Variants in ENG observed in about 807,000 individuals in gnomAD.
The protein encoded by ENG is endoglin.
In ENG, 17 loss-of-function variants were observed where a neutral mutation model predicts 71.0. The observed-to-expected ratio is 0.24, with a 90% confidence interval of 0.16 to 0.36. The LOEUF is 0.36. Among genes scored for constraint, ENG ranks in the 10% least tolerant of loss-of-function variants. The pLI is 1.00. For missense variants in ENG, 749 were observed against 868.3 expected, an observed-to-expected ratio of 0.86 and a Z score of 1.73; for synonymous variants, 360 against 366.9, an observed-to-expected ratio of 0.98 and a Z score of 0.21.
chr9:127,847,650 G>A (rs763971376), intron 1 of ENG, among the ~76,000 whole-genome samples: 8 of 151,966 alleles, frequency 5.3e-5, no homozygotes, highest in Non-Finnish European at 1.0e-4. Flanking sequence ...GGGTTTCGCC[G>A]TATTGCGCAG....
intron 1 of ENG, among the ~76,000 whole-genome samples, chr9:127,852,231 G>A (rs918146504): frequency 2.0e-5 from 3 of 152,180 alleles, no homozygotes; most frequent in Admixed American, 6.6e-5. Context: ...AGAGTTGGAC[G>A]AATAACTTTA....
intron 2 of ENG, among the ~76,000 whole-genome samples, chr9:127,834,827 C>T (rs757148333): frequency 1.2e-4 from 18 of 145,916 alleles, no homozygotes; most frequent in African/African-American, 2.6e-4. Flanking sequence ...TGAGCCACTG[C>T]GCCCAGTTAG....
rs567916663 is a variant in ENG, at chr9:127,854,508, C to T, written c.-153G>A. On this transcript the variant is annotated 5_prime_UTR_variant, in exon 1 of 15. Transcript: ENST00000373203. ...TCCCTGCTCCAGCCTTCTGGGGTGG[C>T]GGCCGAGGGGTCAGGAGAAGTGGAC... 7.9e-5 allele frequency: 60 copies of T among 762,472 alleles called. No individual in the cohort carries two copies. In the South Asian group the frequency reaches 1.0e-3, roughly 13 times the overall value. 47.2% of individuals were successfully genotyped at this position (762,472 alleles called of 1,614,324 possible). A position where few individuals can be genotyped will look rare whatever the true frequency, so the allele number is the denominator to read the frequency against.
intron 8 of ENG, chr9:127,822,620 T>C (rs1370876808): frequency 6.6e-6 from 1 of 152,234 alleles, no homozygotes; most frequent in African/African-American, 2.4e-5. Context: ...GATGGAATAA[T>C]ATGTGCTTAT....
rs1800956 is a variant in ENG, at chr9:127,824,342, C to T, written c.1096G>A (p.Asp366Asn). 4 of 1,613,884 alleles carry T rather than the reference C, an allele frequency of 2.5e-6. No individual in the cohort carries two copies. Among genetic ancestry groups the T allele is most frequent in the East Asian group, 2.2e-5 (1 of 44,838 alleles). Residue 366 changes from aspartate to asparagine, a missense_variant, in exon 8 of 15, where the codon GAC (aspartate) becomes AAC (asparagine). Coordinates refer to ENST00000373203, the MANE Select transcript of ENG (RefSeq NM_001114753.3). ...TTCTTTAGTACCAGGGTCATGGCGT[C>T]GTCGGCACACTTTGTCTGGATCAAG... Reference protein sequence around the residue: ...MSLIQTKCADDAMTLVLKKEL... With the variant: ...MSLIQTKCADNAMTLVLKKEL...
intron 3 of ENG, among the ~76,000 whole-genome samples, chr9:127,828,582 A>C (rs1439878964): frequency 6.6e-6 from 1 of 151,830 alleles, no homozygotes; most frequent in Non-Finnish European, 1.5e-5. Context: ...GGGAAGGGGG[A>C]GGATCCATGG....
intron 2 of ENG, among the ~76,000 whole-genome samples, chr9:127,842,003 TA>T (rs1831044679): frequency 6.6e-6 from 1 of 152,208 alleles, no homozygotes; most frequent in Non-Finnish European, 1.5e-5. Context: ...GAGTCGGCCC[TA>T]GCACAGTCTC....
chr9:127,844,515 A>AGCCTC (rs1831125432), intron 1 of ENG, among the ~76,000 whole-genome samples: 1 of 151,372 alleles, frequency 6.6e-6, no homozygotes, highest in Non-Finnish European at 1.5e-5. Flanking sequence ...CCTCAGCCTC[A>AGCCTC]ACCTCCCAGG....
At chr9:127,841,767 C>T (rs936304663) in intron 2 of ENG, among the ~76,000 whole-genome samples, 1 of 152,198 alleles carries the variant, frequency 6.6e-6, no homozygotes, top group Admixed American at 6.5e-5. Context: ...AATCTCCAGT[C>T]CAACAGGCCA....
chr9:127,816,707 C>T (rs566037267), intron 13 of ENG: 7 of 279,138 alleles, frequency 2.5e-5, no homozygotes, highest in African/African-American at 4.4e-5. Context: ...TGTCGGGACT[C>T]TTCTGCCTGG....
rs760001916 is a variant in ENG, at chr9:127,824,817, A to T, written c.974T>A (p.Leu325His). 66 of 1,578,244 alleles carry T rather than the reference A, an allele frequency of 4.2e-5. No individual in the cohort carries two copies. The South Asian group carries it at 7.7e-4, about 18-fold the overall frequency. The part of the protein sequence containing the change: ...VELPLASIVS[L>H]HASSCGGRLQ... ...GTGCTCACCGCAGCTGGAGGCATGAAGTGAGACAATGCTGGCCAGCGGTAG... is the reference window on the plus strand; with the variant it reads ...GTGCTCACCGCAGCTGGAGGCATGATGTGAGACAATGCTGGCCAGCGGTAG... Residue 325 changes from leucine to histidine, a missense_variant, in exon 7 of 15, where the codon CTT (leucine) becomes CAT (histidine). By Grantham distance (99) the Leu-to-His change is moderately conservative. Coordinates refer to ENST00000373203, the MANE Select transcript of ENG (RefSeq NM_001114753.3).
Position 127,815,582 on chromosome 9 carries a change from T to G in ENG, c.*100A>C. 6.7e-7 allele frequency: 1 copy of G among 1,491,384 alleles called. No homozygotes were observed. Among genetic ancestry groups the G allele is most frequent in the Non-Finnish European group, 8.9e-7 (1 of 1,122,716 alleles). The allele number at this position is 1,491,384 out of a possible 1,614,324, so 92.4% of individuals were successfully genotyped here. On this transcript the variant is annotated 3_prime_UTR_variant, in exon 15 of 15. Transcript: ENST00000373203. ...TAGGCGCGGAGAGCAGGCTCCATTCTGGGTCGAGTGGAGGACTGGCTCCCA... is the reference window on the plus strand; with the variant it reads ...TAGGCGCGGAGAGCAGGCTCCATTCGGGGTCGAGTGGAGGACTGGCTCCCA...
chr9:127,849,559 G>A (rs1831243734), intron 1 of ENG, among the ~76,000 whole-genome samples: 1 of 152,072 alleles, frequency 6.6e-6, no homozygotes, highest in Non-Finnish European at 1.5e-5. Flanking sequence ...TTCTACTAGG[G>A]GTCTGACAGT....
chr9:127,853,264 G>A (rs1224793377), intron 1 of ENG, among the ~76,000 whole-genome samples: 1 of 152,124 alleles, frequency 6.6e-6, no homozygotes, highest in Non-Finnish European at 1.5e-5. Flanking sequence ...AGGTGGGGAG[G>A]TGGGGAGAAG....
rs41499549 is a variant in ENG at position 127,847,560 on chromosome 9, C to T, written c.68-4315G>A. Among the ~76,000 whole-genome samples the T allele has an allele frequency of 2.6e-3, 399 of 152,092 alleles. 3 individuals carry two copies. Among genetic ancestry groups the T allele is most frequent in the Middle Eastern group, 0.014 (4 of 294 alleles). On this transcript the variant is annotated intron_variant, in intron 1 of 14. Coordinates refer to ENST00000373203, the MANE Select transcript of ENG (RefSeq NM_001114753.3). The stretch of plus-strand genomic sequence containing the variant: ...ATAACCTCCCCGTCCCAGGTTCAAG[C>T]GATTCTCATGCCTCAGCCTCCTGAG...
chr9:127,833,477 G>A (rs535760401), intron 2 of ENG, among the ~76,000 whole-genome samples: 161 of 143,300 alleles, frequency 1.1e-3, no homozygotes, highest in African/African-American at 3.5e-3. Context: ...AGCCAAGATC[G>A]CGCCATTGAG....
In ENG at chr9:127,817,087, C is replaced by G. The variant is rs533575956; in HGVS notation, c.1741+62G>C. On this transcript the variant is annotated intron_variant, in intron 13 of 14. Coordinates refer to ENST00000373203, the MANE Select transcript of ENG (RefSeq NM_001114753.3). Reference sequence around the variant, plus strand: ...GCCCAGGCCGTTTCTCAGGGCTGCCCGCTGTGCCCTACTGTGACCTCAGCC... The same window carrying G: ...GCCCAGGCCGTTTCTCAGGGCTGCCGGCTGTGCCCTACTGTGACCTCAGCC... 1.8e-5 allele frequency: 29 copies of G among 1,591,196 alleles called. No individual in the cohort carries two copies. The South Asian group carries it at 3.0e-4, about 16-fold the overall frequency.
Position 127,824,986 on chromosome 9 carries a change from G to GA in ENG, c.817-13dup. On this transcript the variant is annotated splice_polypyrimidine_tract_variant and intron_variant, in intron 6 of 14. Coordinates refer to ENST00000373203, the MANE Select transcript of ENG (RefSeq NM_001114753.3). ...TATTCTCCAGTGGTCTAATGGTGGG[G>GA]AGAGAGGCAGAACAGGGGGCCATGG... The GA allele has an allele frequency of 6.2e-7, 1 of 1,611,198 alleles. No individual in the cohort carries two copies. Among genetic ancestry groups the GA allele is most frequent in the Non-Finnish European group, 8.5e-7 (1 of 1,179,592 alleles).
chr9:127,822,217 A>C (rs2131882748), intron 8 of ENG: 1 of 152,360 alleles, frequency 6.6e-6, no homozygotes, highest in African/African-American at 2.4e-5. Context: ...TGAGGTTCTC[A>C]TCACTCACGT....
Sources: gnomAD v4.1 joint callset for allele counts (sites outside exome capture counted in the v4.1 genomes callset) on GRCh38, gnomAD v4.1.1 for gene constraint, MANE v1.5 for transcripts, NCBI Gene and HGNC (gene_info 2026-07-23, HGNC 2026-07-21) for gene names.